TMPRSS15: variants seen among roughly 807,000 people sequenced by gnomAD.
The protein encoded by TMPRSS15 is enteropeptidase.
A neutral mutation model predicts 125.3 loss-of-function variants in TMPRSS15; 128 were observed. The ratio of observed to expected loss-of-function variants is 1.02; its 90% CI spans 0.89 to 1.18. The LOEUF (loss-of-function observed/expected upper bound fraction) is 1.18. Ranked by LOEUF, TMPRSS15 falls within the 50% of genes most tolerant of loss-of-function variation. TMPRSS15 has a pLI of 0.00. For synonymous variants in TMPRSS15, 446 were observed against 423.2 expected (o/e 1.05, Z -0.66); for missense variants, 1,283 against 1,212.7 (o/e 1.06, Z -0.86).
intron 1 of TMPRSS15, among the ~76,000 whole-genome samples, chr21:18,402,580 T>A (rs2076106035): frequency 6.7e-6 from 1 of 149,966 alleles, no homozygotes; most frequent in African/African-American, 2.5e-5. Flanking sequence ...ATATATAAAG[T>A]TCATCATTTT....
intron 1 of TMPRSS15, among the ~76,000 whole-genome samples, chr21:18,432,992 C>G (rs1233457773): frequency 6.6e-6 from 1 of 152,172 alleles, no homozygotes; most frequent in African/African-American, 2.4e-5. Context: ...GTGTACCTTT[C>G]TCGGAAAGAT....
chr21:18,455,432 C>G (rs1978422832), intron 1 of TMPRSS15, among the ~76,000 whole-genome samples: 1 of 152,026 alleles, frequency 6.6e-6, no homozygotes, highest in Admixed American at 6.6e-5. Flanking sequence ...ATTTTTTCAT[C>G]AACATTAGAG....
chr21:18,460,278 T>A (rs756224955), intron 1 of TMPRSS15, among the ~76,000 whole-genome samples: 1 of 151,992 alleles, frequency 6.6e-6, no homozygotes, highest in Admixed American at 6.6e-5. Context: ...AGCAGTAGGT[T>A]TTTTTTTGGA....
rs373055134 is a variant in TMPRSS15, at chr21:18,271,754, G to C, written c.2905-1630C>G. Among the ~76,000 whole-genome samples the C allele has an allele frequency of 2.0e-5, 3 of 152,146 alleles. No homozygotes were observed. In the East Asian group the frequency reaches 5.8e-4, roughly 29 times the overall value. On this transcript the variant is annotated intron_variant, in intron 24 of 24. Coordinates refer to ENST00000284885, the MANE Select transcript of TMPRSS15 (RefSeq NM_002772.3). ...ACCTCCTAGTCCCCAACAGGCCCTG[G>C]TGTGTGTTGTTCCCTGTCCTGTGTC... is the stretch of plus-strand genomic sequence containing the variant.
chr21:18,317,844 C>T (rs62213426), intron 16 of TMPRSS15, among the ~76,000 whole-genome samples: 2 of 56,918 alleles, frequency 3.5e-5, no homozygotes, highest in African/African-American at 1.7e-4. Context: ...TATTCCATCC[C>T]ATCCCATCCC....
chr21:18,438,945 G>A (rs565166985), intron 1 of TMPRSS15, among the ~76,000 whole-genome samples: 1 of 152,242 alleles, frequency 6.6e-6, no homozygotes, highest in African/African-American at 2.4e-5. Context: ...ATGAAGCCCA[G>A]TAGTCTACAT....
intron 12 of TMPRSS15, 141 bp from the exon 13 acceptor site, chr21:18,341,689 A>T (rs1361512197): frequency 2.1e-6 from 2 of 943,406 alleles, no homozygotes; most frequent in South Asian, 2.8e-5. Context: ...CCGTTACTAC[A>T]TAGTGAAATC....
chr21:18,477,461 T>A (rs1433320179), intron 1 of TMPRSS15: 1 of 152,116 alleles, frequency 6.6e-6, no homozygotes, highest in African/African-American at 2.4e-5. Context: ...GAGTCCATTA[T>A]TATAAGATAT....
intron 16 of TMPRSS15, among the ~76,000 whole-genome samples, chr21:18,321,147 G>C (rs12483073): frequency 0.16 from 24,724 of 151,926 alleles, 2,234 homozygotes; most frequent in East Asian, 0.38. Flanking sequence ...GGAATAAGGG[G>C]ACATTTATAG....
chr21:18,462,669 A>G (rs1490739007), intron 1 of TMPRSS15, among the ~76,000 whole-genome samples: 3 of 152,180 alleles, frequency 2.0e-5, no homozygotes, highest in African/African-American at 7.2e-5. Context: ...TGCAAGCAAG[A>G]AAAACAGTTG....
At chr21:18,400,103 A>G (rs756300262) in intron 1 of TMPRSS15, among the ~76,000 whole-genome samples, 10 of 152,200 alleles carry the variant, frequency 6.6e-5, no homozygotes, top group Non-Finnish European at 1.5e-4. Flanking sequence ...AAATAATTCC[A>G]TGCTAATGGA....
intron 7 of TMPRSS15, among the ~76,000 whole-genome samples, chr21:18,363,645 A>G (rs1291000273): frequency 1.3e-5 from 2 of 152,116 alleles, no homozygotes; most frequent in Non-Finnish European, 2.9e-5. Context: ...GCTAGAGTTA[A>G]TATTTTATTT....
chr21:18,338,027 C>G (rs2075409379), intron 13 of TMPRSS15, among the ~76,000 whole-genome samples: 3 of 152,102 alleles, frequency 2.0e-5, no homozygotes. Flanking sequence ...ATTATAATTT[C>G]CCTATTGTTA....
intron 16 of TMPRSS15, among the ~76,000 whole-genome samples, chr21:18,322,519 T>C (rs2075249428): frequency 6.6e-6 from 1 of 152,166 alleles, no homozygotes; most frequent in African/African-American, 2.4e-5. Flanking sequence ...AAATGGTATC[T>C]TTGCATAATG....
rs1569043985 is a variant in TMPRSS15 at position 18,379,266 on chromosome 21, ATAT to A, written c.532+14_532+16del. On this transcript the variant is annotated intron_variant, in intron 5 of 24. Transcript: ENST00000284885. ...AACTTTCTTTCAAAAAATAATAATA[ATAT>A]TATTAAAACTGACCTGGAGTTGCCA... 1 of 1,248,754 alleles carries A rather than the reference ATAT, an allele frequency of 8.0e-7. No individual in the cohort carries two copies. Among genetic ancestry groups the A allele is most frequent in the Admixed American group, 3.1e-5 (1 of 32,400 alleles). The allele number at this position is 1,248,754 out of a possible 1,614,324, so 77.4% of individuals were successfully genotyped here.
intron 1 of TMPRSS15, among the ~76,000 whole-genome samples, chr21:18,479,394 G>T (rs1384317809): frequency 6.6e-6 from 1 of 151,938 alleles, no homozygotes; most frequent in Admixed American, 6.6e-5. Flanking sequence ...GTGAAAGACT[G>T]TCAGGCCATT....
intron 1 of TMPRSS15, among the ~76,000 whole-genome samples, chr21:18,458,893 T>G (rs765480692): frequency 6.7e-6 from 1 of 148,490 alleles, no homozygotes; most frequent in South Asian, 2.1e-4. Context: ...CTTATGATGA[T>G]TATATCATTT....
At chr21:18,451,847 A>G (rs1156291898) in intron 1 of TMPRSS15, among the ~76,000 whole-genome samples, 3 of 152,232 alleles carry the variant, frequency 2.0e-5, no homozygotes, top group Non-Finnish European at 2.9e-5. Flanking sequence ...GATGATTGTC[A>G]ATCAATGTCA....
chr21:18,343,798 T>G, intron 11 of TMPRSS15, 142 bp from the exon 12 acceptor site: 1 of 1,131,690 alleles, frequency 8.8e-7, no homozygotes, highest in Non-Finnish European at 1.3e-6. Context: ...TGGGGAGAGG[T>G]GTCTATCAAT....
Sources: gnomAD v4.1 joint callset for allele counts (sites outside exome capture counted in the v4.1 genomes callset) on GRCh38, gnomAD v4.1.1 for gene constraint, MANE v1.5 for transcripts, NCBI Gene and HGNC (gene_info 2026-07-23, HGNC 2026-07-21) for gene names.